The following UBE2QL1 variants were observed in gnomAD, a reference collection of about 807,000 sequenced individuals.
UBE2QL1 encodes the protein ubiquitin conjugating enzyme E2 QL1, also known as ubiquitin-conjugating enzyme E2Q-like protein 1.
UBE2QL1 carries 5 observed loss-of-function variants against 12.6 expected under a neutral mutation model. That is an observed-to-expected ratio of 0.40 (90% CI 0.21 to 0.83). The LOEUF (loss-of-function observed/expected upper bound fraction) is 0.83. Ranked by LOEUF, UBE2QL1 falls within the 40% of genes least tolerant of loss-of-function variation. The pLI is 0.37. For missense variants in UBE2QL1, 99 were observed against 222.6 expected (o/e 0.44, Z 3.53); for synonymous variants, 96 against 94.5 (o/e 1.02, Z -0.10).
chr5:6,480,656 G>A (rs1472962382), intron 1 of UBE2QL1, among the ~76,000 whole-genome samples: 2 of 152,198 alleles, frequency 1.3e-5, no homozygotes, highest in Non-Finnish European at 2.9e-5. Context: ...GTAATTGCTA[G>A]TACTTTCTTT....
chr5:6,456,640 G>C (rs1018747621), intron 1 of UBE2QL1, among the ~76,000 whole-genome samples: 1 of 152,152 alleles, frequency 6.6e-6, no homozygotes, highest in South Asian at 2.1e-4. Flanking sequence ...CGTTGCCCTT[G>C]GCATTCCCAT....
chr5:6,459,705 T>C (rs180946419), intron 1 of UBE2QL1, among the ~76,000 whole-genome samples: 9 of 152,366 alleles, frequency 5.9e-5, no homozygotes, highest in Non-Finnish European at 1.2e-4. Context: ...GAGGCAGGTC[T>C]AACACTCTCC....
intron 1 of UBE2QL1, among the ~76,000 whole-genome samples, chr5:6,450,086 A>ACCCC (rs768975053): frequency 9.6e-5 from 10 of 104,346 alleles, no homozygotes; most frequent in African/African-American, 3.5e-4. Context: ...ACAAGACCAG[A>ACCCC]CCCCCCCCCC....
Position 6,481,755 on chromosome 5 carries a change from T to C in UBE2QL1, c.355-9463T>C, listed in dbSNP as rs1321138934. 6.6e-6 allele frequency among the ~76,000 whole-genome samples: 1 copy of C among 152,136 alleles called. No homozygotes were observed. The highest frequency in any genetic ancestry group is 1.5e-5 in the Non-Finnish European group (1 of 68,026). On this transcript the variant is annotated intron_variant, in intron 1 of 1. Transcript: ENST00000399816. This position sits in a 1 kb window ranked among gnomAD's most constrained non-coding sequence, Gnocchi z 4.5. ...GGCCCTCGCCATCTTCTCTGGACCATGACAATAACCTAACTGGACAACACC... is the reference window on the plus strand; with the variant it reads ...GGCCCTCGCCATCTTCTCTGGACCACGACAATAACCTAACTGGACAACACC...
intron 1 of UBE2QL1, among the ~76,000 whole-genome samples, chr5:6,458,620 T>C (rs1739584359): frequency 6.6e-6 from 1 of 152,086 alleles, no homozygotes. Context: ...AAGATGTCTG[T>C]CAGGAATTGG....
intron 1 of UBE2QL1, among the ~76,000 whole-genome samples, chr5:6,473,792 C>T (rs1046699545): frequency 1.1e-4 from 17 of 152,160 alleles, no homozygotes; most frequent in African/African-American, 3.4e-4. Context: ...TTTTTGTTAC[C>T]TTTGAATCTT....
intron 1 of UBE2QL1, among the ~76,000 whole-genome samples, chr5:6,477,864 T>C (rs980696308): frequency 2.0e-5 from 3 of 152,216 alleles, no homozygotes; most frequent in Non-Finnish European, 4.4e-5. Flanking sequence ...ATCGCACAAG[T>C]TGCAGCTTCA....
At chr5:6,469,677 T>G (rs1481439645) in intron 1 of UBE2QL1, among the ~76,000 whole-genome samples, 2 of 151,880 alleles carry the variant, frequency 1.3e-5, no homozygotes, top group African/African-American at 4.8e-5. Flanking sequence ...TACACTTATA[T>G]GTTTACATTT....
intron 1 of UBE2QL1, among the ~76,000 whole-genome samples, chr5:6,469,435 A>G (rs1016872348): frequency 9.4e-5 from 14 of 148,598 alleles, no homozygotes; most frequent in African/African-American, 3.4e-4. Context: ...ATACATATTT[A>G]TATAATCTAA....
intron 1 of UBE2QL1, among the ~76,000 whole-genome samples, chr5:6,453,743 A>G (rs1355265546): frequency 6.6e-6 from 1 of 152,158 alleles, no homozygotes; most frequent in African/African-American, 2.4e-5. Flanking sequence ...AGAGACATAC[A>G]TAAAGCCCAT....
intron 1 of UBE2QL1, among the ~76,000 whole-genome samples, chr5:6,485,273 A>G (rs77682110): frequency 0.014 from 2,146 of 152,258 alleles, 49 homozygotes; most frequent in African/African-American, 0.048. Flanking sequence ...CCTGCTTGTC[A>G]GTGGCTTCAG....
At chr5:6,469,578 G>GTATATATA (rs1015735676) in intron 1 of UBE2QL1, among the ~76,000 whole-genome samples, 2 of 140,480 alleles carry the variant, frequency 1.4e-5, no homozygotes, top group Non-Finnish European at 3.2e-5. Context: ...GTGTGTGTGT[G>GTATATATA]TATATATATA....
At position 6,494,738 on chromosome 5, in the gene UBE2QL1, A is replaced by C. The variant is rs1270455310; in HGVS notation, c.*3389A>C. The C allele has an allele frequency of 6.6e-6, 1 of 152,212 alleles. No individual in the cohort carries two copies. The highest frequency in any genetic ancestry group is 1.9e-4 in the East Asian group (1 of 5,198). The allele number at this position is 152,212 out of a possible 1,614,324, so 9.4% of individuals were successfully genotyped here. On this transcript the variant is annotated 3_prime_UTR_variant, in exon 2 of 2. Transcript: ENST00000399816. Reference sequence around the variant, plus strand: ...CAATTACAGTGGTTAAAATACACATACCTGGTAATCATATACTTGCTTTCT... The same window carrying C: ...CAATTACAGTGGTTAAAATACACATCCCTGGTAATCATATACTTGCTTTCT...
intron 1 of UBE2QL1, among the ~76,000 whole-genome samples, chr5:6,454,396 C>G (rs1739474404): frequency 6.6e-6 from 1 of 152,140 alleles, no homozygotes; most frequent in Non-Finnish European, 1.5e-5. Flanking sequence ...AGAACACAGT[C>G]AGATTGGATT....
chr5:6,480,937 T>G (rs971995107), intron 1 of UBE2QL1, among the ~76,000 whole-genome samples: 3 of 152,060 alleles, frequency 2.0e-5, no homozygotes, highest in Non-Finnish European at 4.4e-5. Context: ...CCTCTGGGGG[T>G]TACAGGTTGC....
At chr5:6,467,241 T>C (rs1475827455) in intron 1 of UBE2QL1, among the ~76,000 whole-genome samples, 2 of 152,122 alleles carry the variant, frequency 1.3e-5, no homozygotes, top group Non-Finnish European at 2.9e-5. Flanking sequence ...CTTTTATTCT[T>C]GGAGCCTGCA....
chr5:6,465,263 A>G (rs1739761773), intron 1 of UBE2QL1, among the ~76,000 whole-genome samples: 1 of 152,220 alleles, frequency 6.6e-6, no homozygotes, highest in African/African-American at 2.4e-5. Context: ...CTGGGATAAC[A>G]AGCATGAGCC....
At chr5:6,452,025 G>T (rs567615302) in intron 1 of UBE2QL1, among the ~76,000 whole-genome samples, 2 of 152,068 alleles carry the variant, frequency 1.3e-5, no homozygotes, top group Non-Finnish European at 2.9e-5. Flanking sequence ...TCTTTTTTAG[G>T]ATGCATTTTC....
At position 6,491,203 on chromosome 5, in the gene UBE2QL1, TCTC is replaced by T; in HGVS notation, c.355-14_355-12del. 7 of 1,525,746 alleles carry T rather than the reference TCTC, an allele frequency of 4.6e-6. No homozygotes were observed. Among genetic ancestry groups the T allele is most frequent in the Non-Finnish European group, 6.2e-6 (7 of 1,137,648 alleles). 94.5% of individuals were successfully genotyped at this position (1,525,746 alleles called of 1,614,324 possible). On this transcript the variant is annotated splice_polypyrimidine_tract_variant and intron_variant, in intron 1 of 1. Coordinates refer to ENST00000399816, the MANE Select transcript of UBE2QL1 (RefSeq NM_001145161.3). Reference sequence around the variant, plus strand: ...AGTGACGTTCTAACCTGGTTTTTCTTCTCATCTCACGCAGGGACGGATCTGTAG... The same window carrying T: ...AGTGACGTTCTAACCTGGTTTTTCTTATCTCACGCAGGGACGGATCTGTAG...
Sources: gnomAD v4.1 joint callset for allele counts (sites outside exome capture counted in the v4.1 genomes callset) on GRCh38, gnomAD v4.1.1 for gene constraint, Gnocchi (gnomAD v3.1) non-coding constraint, MANE v1.5 for transcripts, NCBI Gene and HGNC (gene_info 2026-07-23, HGNC 2026-07-21) for gene names.